The following OTUD7A variants were observed in gnomAD, a reference collection of about 807,000 sequenced individuals.
The protein encoded by OTUD7A is OTU domain-containing protein 7A.
OTUD7A carries 12 observed loss-of-function variants against 65.7 expected under a neutral mutation model. That is an observed-to-expected ratio of 0.18 (90% CI 0.12 to 0.30). OTUD7A has a LOEUF of 0.30. OTUD7A is among the 10% of genes least tolerant of loss of function. OTUD7A has a pLI of 1.00. For synonymous variants in OTUD7A, 641 were observed against 586.3 expected (o/e 1.09, Z -1.35); for missense variants, 1,148 against 1,304.8 (o/e 0.88, Z 1.85).
At chr15:31,858,039 T>C (rs1267730569) in intron 1 of OTUD7A, among the ~76,000 whole-genome samples, 1 of 152,204 alleles carries the variant, frequency 6.6e-6, no homozygotes, top group African/African-American at 2.4e-5. Context: ...TGTATATCAC[T>C]GTGTCGTGGC....
chr15:31,843,171 G>A (rs750760739), intron 1 of OTUD7A, among the ~76,000 whole-genome samples: 8 of 152,126 alleles, frequency 5.3e-5, no homozygotes, highest in Non-Finnish European at 7.4e-5. Context: ...GGTCCAAGGG[G>A]CAAAATTCCC....
At chr15:31,827,542 T>C (rs1171636219) in intron 1 of OTUD7A, among the ~76,000 whole-genome samples, 1 of 152,230 alleles carries the variant, frequency 6.6e-6, no homozygotes, top group Non-Finnish European at 1.5e-5. Flanking sequence ...ATTGTTCCTT[T>C]TGAATGACAG....
intron 3 of OTUD7A, among the ~76,000 whole-genome samples, chr15:31,611,633 A>G (rs1044406620): frequency 6.6e-6 from 1 of 152,128 alleles, no homozygotes; most frequent in Non-Finnish European, 1.5e-5. Context: ...GAACAGACCA[A>G]TAACAAGCAG....
Position 31,476,444 on chromosome 15 carries a change from G to C in OTUD7A, c.*6850C>G, listed in dbSNP as rs1037962383. Reference sequence around the variant, plus strand: ...GAGCTGGACAGCCCATAGGGCCTGGGAGACCTTCACGGACACCTGCCATGG... The same window carrying C: ...GAGCTGGACAGCCCATAGGGCCTGGCAGACCTTCACGGACACCTGCCATGG... On this transcript the variant is annotated 3_prime_UTR_variant, in exon 13 of 13. Transcript: ENST00000307050. 2 of 152,338 alleles carry C rather than the reference G, an allele frequency of 1.3e-5. No individual in the cohort carries two copies. The highest frequency in any genetic ancestry group is 2.4e-5 in the African/African-American group (1 of 41,452). The allele number at this position is 152,338 out of a possible 1,614,324, so 9.4% of individuals were successfully genotyped here.
At chr15:31,749,852 C>T (rs930309191) in intron 1 of OTUD7A, among the ~76,000 whole-genome samples, 1 of 151,782 alleles carries the variant, frequency 6.6e-6, no homozygotes, top group African/African-American at 2.4e-5. Context: ...ATCTGATAAA[C>T]ATAGTAAGTA....
chr15:31,718,798 G>C (rs1186918023), intron 1 of OTUD7A, among the ~76,000 whole-genome samples: 2 of 149,208 alleles, frequency 1.3e-5, no homozygotes, highest in Non-Finnish European at 3.0e-5. Context: ...TGTTTGTTTA[G>C]GCTTATAAGC....
rs575082358 is a variant in OTUD7A at position 31,717,589 on chromosome 15, C to T, written c.-99-60512G>A. 7.2e-5 allele frequency among the ~76,000 whole-genome samples: 11 copies of T among 152,274 alleles called. No individual in the cohort carries two copies. The East Asian group carries it at 2.1e-3, about 29-fold the overall frequency. On this transcript the variant is annotated intron_variant, in intron 1 of 12. Transcript: ENST00000307050. ...ATGAACTCATCCTTTTTCATGGCTG[C>T]ATAGTATTCCATGGTGTATATGTGC...
At chr15:31,583,621 C>T (rs537075260) in intron 3 of OTUD7A, among the ~76,000 whole-genome samples, 1 of 151,948 alleles carries the variant, frequency 6.6e-6, no homozygotes, top group East Asian at 2.0e-4. Flanking sequence ...CTCATTCTCT[C>T]TCTTGCCTGC....
At chr15:31,669,434 A>G (rs1892420350) in intron 1 of OTUD7A, among the ~76,000 whole-genome samples, 1 of 152,134 alleles carries the variant, frequency 6.6e-6, no homozygotes, top group Non-Finnish European at 1.5e-5. Flanking sequence ...AGTGAGGGAA[A>G]GCCGGCAGTC....
intron 3 of OTUD7A, among the ~76,000 whole-genome samples, chr15:31,646,307 CG>C (rs1353054374): frequency 6.6e-6 from 1 of 151,958 alleles, no homozygotes; most frequent in Non-Finnish European, 1.5e-5. Flanking sequence ...GTGGGGGGCA[CG>C]GGGGAATGGG....
At chr15:31,624,712 G>A (rs1890899567) in intron 3 of OTUD7A, among the ~76,000 whole-genome samples, 1 of 152,146 alleles carries the variant, frequency 6.6e-6, no homozygotes, top group Non-Finnish European at 1.5e-5. Flanking sequence ...GGCTTGGCAA[G>A]TTAAACTACT....
chr15:31,670,843 A>T (rs1892463888), intron 1 of OTUD7A, among the ~76,000 whole-genome samples: 1 of 152,068 alleles, frequency 6.6e-6, no homozygotes, highest in Non-Finnish European at 1.5e-5. Flanking sequence ...TACAAAAAAA[A>T]AATTAGCCGG....
At chr15:31,492,594 A>C (rs1336854986) in intron 10 of OTUD7A, among the ~76,000 whole-genome samples, 1 of 151,986 alleles carries the variant, frequency 6.6e-6, no homozygotes, top group African/African-American at 2.4e-5. Flanking sequence ...AAAAAAAAAA[A>C]AAAAACAAAT....
intron 3 of OTUD7A, among the ~76,000 whole-genome samples, chr15:31,636,970 A>G (rs1199433775): frequency 6.6e-6 from 1 of 152,234 alleles, no homozygotes; most frequent in East Asian, 1.9e-4. Context: ...GCCATCTTCA[A>G]TAACATAAAA....
At chr15:31,559,597 T>C (rs1269702629) in intron 4 of OTUD7A, among the ~76,000 whole-genome samples, 2 of 152,134 alleles carry the variant, frequency 1.3e-5, no homozygotes, top group Admixed American at 6.5e-5. Flanking sequence ...CTTGTATACA[T>C]ACATGTGCAC....
chr15:31,755,376 G>C (rs967122682), intron 1 of OTUD7A, among the ~76,000 whole-genome samples: 2 of 152,132 alleles, frequency 1.3e-5, no homozygotes, highest in African/African-American at 2.4e-5. Flanking sequence ...ATTAGTATCA[G>C]ATAGGAAGCA....
At chr15:31,530,639 A>T in intron 6 of OTUD7A, 68 bp downstream of exon 6, 1 of 1,410,882 alleles carries the variant, frequency 7.1e-7, no homozygotes, top group South Asian at 1.2e-5. Context: ...TGTTTCCTTC[A>T]ATAGCATATG....
intron 1 of OTUD7A, among the ~76,000 whole-genome samples, chr15:31,856,020 C>A (rs541275519): frequency 6.6e-6 from 1 of 152,116 alleles, no homozygotes; most frequent in Non-Finnish European, 1.5e-5. Context: ...GGGGCTGCCA[C>A]GTCAATGGTA....
chr15:31,485,801 T>C (rs988986778), intron 12 of OTUD7A, among the ~76,000 whole-genome samples: 9 of 151,812 alleles, frequency 5.9e-5, no homozygotes, highest in African/African-American at 2.2e-4. Context: ...CACTTAATTT[T>C]TGTCCCCCCC....
Sources: gnomAD v4.1 joint callset for allele counts (sites outside exome capture counted in the v4.1 genomes callset) on GRCh38, gnomAD v4.1.1 for gene constraint, MANE v1.5 for transcripts, NCBI Gene and HGNC (gene_info 2026-07-23, HGNC 2026-07-21) for gene names.